HPSE2: variants seen among roughly 807,000 people sequenced by gnomAD.
The protein encoded by HPSE2 is inactive heparanase-2.
HPSE2 carries 38 observed loss-of-function variants against 60.5 expected under a neutral mutation model. That is an observed-to-expected ratio of 0.63 (90% CI 0.48 to 0.82). HPSE2 has a LOEUF of 0.82. Among genes scored for constraint, HPSE2 ranks in the 40% least tolerant of loss-of-function variants. HPSE2 has a pLI of 0.00. For synonymous variants in HPSE2, 295 were observed against 293.2 expected, an observed-to-expected ratio of 1.01 and a Z score of -0.06; for missense variants, 713 against 740.4, an observed-to-expected ratio of 0.96 and a Z score of 0.43.
chr10:98,656,778 T>TGGG (rs763080464), intron 6 of HPSE2, among the ~76,000 whole-genome samples: 39 of 149,670 alleles, frequency 2.6e-4, no homozygotes, highest in East Asian at 1.0e-3. Context: ...TTTTTTTTTT[T>TGGG]GGGATGGAGT....
intron 9 of HPSE2, among the ~76,000 whole-genome samples, chr10:98,520,848 C>T (rs944189517): frequency 1.2e-4 from 18 of 152,120 alleles, no homozygotes; most frequent in African/African-American, 4.1e-4. Flanking sequence ...CATCTACAAC[C>T]ATCTGATCTT....
intron 3 of HPSE2, among the ~76,000 whole-genome samples, chr10:99,000,579 C>T (rs1317523650): frequency 6.6e-6 from 1 of 152,010 alleles, no homozygotes; most frequent in Admixed American, 6.6e-5. Context: ...GACACTAAGG[C>T]TGGGAAAAGA....
chr10:99,153,803 T>C (rs1337618880), intron 2 of HPSE2, among the ~76,000 whole-genome samples: 2 of 151,984 alleles, frequency 1.3e-5, no homozygotes, highest in Non-Finnish European at 2.9e-5. Flanking sequence ...CAAATTACTC[T>C]GAGCTACGGG....
At chr10:99,178,382 TAAA>T (rs1847618096) in intron 2 of HPSE2, among the ~76,000 whole-genome samples, 1 of 151,520 alleles carries the variant, frequency 6.6e-6, no homozygotes, top group South Asian at 2.1e-4. Flanking sequence ...GCCAGACTAA[TAAA>T]GAAGAAAAGA....
intron 7 of HPSE2, among the ~76,000 whole-genome samples, chr10:98,640,912 A>G (rs1946621695): frequency 6.6e-6 from 1 of 152,210 alleles, no homozygotes; most frequent in Non-Finnish European, 1.5e-5. Flanking sequence ...CACTCCAGCC[A>G]TATTAAATCA....
At chr10:99,287,261 A>T in the HPSE2 span, among the ~76,000 whole-genome samples, 1 of 152,168 alleles carries the variant, frequency 6.6e-6, no homozygotes, top group Non-Finnish European at 1.5e-5. Flanking sequence ...GAGAAGCAGC[A>T]GGAATAAATG....
At chr10:98,505,499 C>T (rs2133724232) in intron 9 of HPSE2, among the ~76,000 whole-genome samples, 1 of 152,294 alleles carries the variant, frequency 6.6e-6, no homozygotes, top group Non-Finnish European at 1.5e-5. Flanking sequence ...TATACTCCCT[C>T]CACCAGTGTC....
intron 3 of HPSE2, among the ~76,000 whole-genome samples, chr10:99,108,228 G>T (rs1382732181): frequency 6.6e-6 from 1 of 152,140 alleles, no homozygotes; most frequent in Non-Finnish European, 1.5e-5. Context: ...AAAGTGACTT[G>T]TGCCAGAGGA....
chr10:98,596,354 T>A (rs2133929858), intron 9 of HPSE2, among the ~76,000 whole-genome samples: 1 of 152,336 alleles, frequency 6.6e-6, no homozygotes, highest in Non-Finnish European at 1.5e-5. Flanking sequence ...AATCTTCATT[T>A]TAAAGATATA....
chr10:99,037,896 T>C (rs148168609), intron 3 of HPSE2, among the ~76,000 whole-genome samples: 73 of 152,012 alleles, frequency 4.8e-4, no homozygotes, highest in African/African-American at 1.7e-3. Flanking sequence ...AACAGATATT[T>C]CATCAAAAAG....
At chr10:99,098,070 A>T (rs1564804141) in intron 3 of HPSE2, among the ~76,000 whole-genome samples, 1 of 152,240 alleles carries the variant, frequency 6.6e-6, no homozygotes, top group Non-Finnish European at 1.5e-5. Context: ...ATTCTGACAC[A>T]AATATTACTA....
intron 2 of HPSE2, among the ~76,000 whole-genome samples, chr10:99,183,240 A>G (rs375125801): frequency 7.2e-5 from 11 of 152,236 alleles, no homozygotes; most frequent in African/African-American, 2.6e-4. Flanking sequence ...AGAGTATAGG[A>G]GACGGATTTT....
At chr10:99,033,963 C>T (rs570875125) in intron 3 of HPSE2, among the ~76,000 whole-genome samples, 1 of 152,248 alleles carries the variant, frequency 6.6e-6, no homozygotes, top group Admixed American at 6.5e-5. Flanking sequence ...TCTCACTCTG[C>T]ACTCCAAAGT....
At chr10:98,906,412 T>C (rs1205663322) in intron 3 of HPSE2, among the ~76,000 whole-genome samples, 2 of 152,096 alleles carry the variant, frequency 1.3e-5, no homozygotes, top group Admixed American at 6.5e-5. Context: ...ATAGATCAGG[T>C]TCTTGCTTGG....
intron 3 of HPSE2, among the ~76,000 whole-genome samples, chr10:98,911,229 T>C (rs1953969787): frequency 6.6e-6 from 1 of 152,194 alleles, no homozygotes; most frequent in African/African-American, 2.4e-5. Context: ...AGCACATTAA[T>C]TGGAGTCAAC....
chr10:99,091,333 T>C (rs563792552), intron 3 of HPSE2, among the ~76,000 whole-genome samples: 3 of 152,246 alleles, frequency 2.0e-5, no homozygotes, highest in South Asian at 4.1e-4. Flanking sequence ...TTATTAAAAC[T>C]AAACCTTGTG....
chr10:99,298,330 T>C, the HPSE2 span, among the ~76,000 whole-genome samples: 5 of 152,184 alleles, frequency 3.3e-5, no homozygotes, highest in Non-Finnish European at 7.3e-5. Flanking sequence ...TTGCTATCAA[T>C]AGAAAGTGGG....
rs537603644 is a variant in HPSE2 at position 99,066,070 on chromosome 10, G to A, written c.610+78168C>T. Among the ~76,000 whole-genome samples the A allele has an allele frequency of 5.3e-5, 8 of 152,058 alleles. No homozygotes were observed. The East Asian group carries it at 1.5e-3, about 29-fold the overall frequency. On this transcript the variant is annotated intron_variant, in intron 3 of 11. Coordinates refer to ENST00000370552, the MANE Select transcript of HPSE2 (RefSeq NM_021828.5). ...AACTTTCTCTAGAGGACTAATGTTT[G>A]GGACAAAACAGAATTCCCAGAAACA...
At chr10:99,181,421 A>AAAAAAAAAAAAAAG (rs1847772702) in intron 2 of HPSE2, among the ~76,000 whole-genome samples, 26 of 138,166 alleles carry the variant, frequency 1.9e-4, no homozygotes, top group African/African-American at 7.0e-4. Flanking sequence ...AAAAAAAAAA[A>AAAAAAAAAAAAAAG]GACACACGCA....
Sources: allele counts gnomAD v4.1 joint callset (sites outside exome capture counted in the v4.1 genomes callset), GRCh38; gene constraint gnomAD v4.1.1; transcripts MANE v1.5; gene names NCBI Gene and HGNC (gene_info 2026-07-23, HGNC 2026-07-21).